Variants in HMBOX1 observed in about 807,000 individuals in gnomAD.
HMBOX1 encodes the protein homeobox-containing protein 1.
A neutral mutation model predicts 54.5 loss-of-function variants in HMBOX1; 14 were observed. The ratio of observed to expected loss-of-function variants is 0.26; its 90% CI spans 0.17 to 0.40. The LOEUF (loss-of-function observed/expected upper bound fraction) is 0.40. Ranked by LOEUF, HMBOX1 falls within the 10% of genes least tolerant of loss-of-function variation. The pLI is 1.00. For synonymous variants in HMBOX1, 160 were observed against 181.0 expected, an observed-to-expected ratio of 0.88 and a Z score of 0.93; for missense variants, 332 against 514.4, an observed-to-expected ratio of 0.65 and a Z score of 3.43.
At chr8:28,960,359 A>G (rs903166455) in intron 1 of HMBOX1, among the ~76,000 whole-genome samples, 24 of 151,918 alleles carry the variant, frequency 1.6e-4, no homozygotes, top group Non-Finnish European at 2.2e-4. Flanking sequence ...CTTGTAGTTT[A>G]TAAGTAGTTA....
intron 1 of HMBOX1, among the ~76,000 whole-genome samples, chr8:28,935,433 A>G (rs983236279): frequency 3.3e-5 from 5 of 152,212 alleles, no homozygotes; most frequent in African/African-American, 1.2e-4. Flanking sequence ...TTTTTGGCGA[A>G]TATGCTAAGG....
At chr8:28,995,987 T>A (rs1261157184) in intron 4 of HMBOX1, among the ~76,000 whole-genome samples, 1 of 151,980 alleles carries the variant, frequency 6.6e-6, no homozygotes, top group Non-Finnish European at 1.5e-5. Flanking sequence ...GCGCCTTTAG[T>A]CCCAGCTACT....
intron 1 of HMBOX1, among the ~76,000 whole-genome samples, chr8:28,913,601 G>T (rs566686473): frequency 2.4e-4 from 37 of 152,194 alleles, no homozygotes; most frequent in Non-Finnish European, 5.1e-4. Context: ...GTAATTATTT[G>T]TCTGTTTTCC....
chr8:28,997,856 A>G (rs1418499360), intron 4 of HMBOX1, among the ~76,000 whole-genome samples: 4 of 152,082 alleles, frequency 2.6e-5, no homozygotes, highest in African/African-American at 4.8e-5. Flanking sequence ...CAGCCTGTCT[A>G]TAGTTTTCCT....
chr8:28,977,756 C>T (rs1400430992), intron 3 of HMBOX1, among the ~76,000 whole-genome samples: 2 of 151,764 alleles, frequency 1.3e-5, no homozygotes, highest in Non-Finnish European at 2.9e-5. Context: ...CTGGCTAACA[C>T]GGTGAAACCC....
intron 6 of HMBOX1, among the ~76,000 whole-genome samples, chr8:29,036,595 C>G (rs938572377): frequency 2.6e-5 from 4 of 152,200 alleles, no homozygotes; most frequent in African/African-American, 9.6e-5. Flanking sequence ...GGTCCTTGGG[C>G]TATCATGAGT....
chr8:28,964,672 T>A (rs1826147053), intron 2 of HMBOX1, among the ~76,000 whole-genome samples: 1 of 152,174 alleles, frequency 6.6e-6, no homozygotes, highest in African/African-American at 2.4e-5. Flanking sequence ...ATACAGTAAG[T>A]AAACATTAAG....
At chr8:29,034,446 G>A (rs1262727002) in intron 6 of HMBOX1, among the ~76,000 whole-genome samples, 3 of 152,202 alleles carry the variant, frequency 2.0e-5, no homozygotes, top group Non-Finnish European at 4.4e-5. Flanking sequence ...CAGTGTGACT[G>A]TGAAGAAATT....
chr8:28,944,533 A>G (rs993859933), intron 1 of HMBOX1, among the ~76,000 whole-genome samples: 1 of 152,202 alleles, frequency 6.6e-6, no homozygotes, highest in Non-Finnish European at 1.5e-5. Context: ...TGGAAGAGGA[A>G]TTAATAACTT....
intron 4 of HMBOX1, among the ~76,000 whole-genome samples, chr8:28,997,313 A>C (rs186399560): frequency 1.3e-5 from 2 of 152,260 alleles, no homozygotes; most frequent in Non-Finnish European, 2.9e-5. Flanking sequence ...TATATCATGA[A>C]AGACTGTTGG....
At chr8:28,926,127 C>T (rs1438814059) in intron 1 of HMBOX1, among the ~76,000 whole-genome samples, 2 of 151,852 alleles carry the variant, frequency 1.3e-5, no homozygotes, top group Non-Finnish European at 1.5e-5. Context: ...GGCAAAACCC[C>T]GTCTATACCA....
At chr8:29,028,107 T>G (rs1364199468) in intron 6 of HMBOX1, among the ~76,000 whole-genome samples, 2 of 152,080 alleles carry the variant, frequency 1.3e-5, no homozygotes, top group African/African-American at 4.8e-5. Context: ...TCCAAAATAT[T>G]CTCCCGGGCA....
At chr8:28,937,532 A>G (rs544653033) in intron 1 of HMBOX1, among the ~76,000 whole-genome samples, 2 of 152,324 alleles carry the variant, frequency 1.3e-5, no homozygotes, top group Non-Finnish European at 2.9e-5. Flanking sequence ...ATTTTCTTCA[A>G]TACAATCTTG....
At chr8:28,901,746 A>G (rs1358694806) in intron 1 of HMBOX1, among the ~76,000 whole-genome samples, 3 of 152,164 alleles carry the variant, frequency 2.0e-5, no homozygotes, top group Admixed American at 1.3e-4. Flanking sequence ...GTTTGCTAAC[A>G]TTTCCTTTCC....
intron 3 of HMBOX1, among the ~76,000 whole-genome samples, chr8:28,973,359 T>C (rs765489147): frequency 6.6e-6 from 1 of 152,220 alleles, no homozygotes; most frequent in Non-Finnish European, 1.5e-5. Flanking sequence ...AAATTTTTCA[T>C]ATCTGTAGAT....
At chr8:28,900,392 C>T (rs1813032376) in intron 1 of HMBOX1, among the ~76,000 whole-genome samples, 2 of 150,478 alleles carry the variant, frequency 1.3e-5, no homozygotes, top group African/African-American at 4.9e-5. Context: ...TGGTATAGTC[C>T]TCAGAATGCT....
chr8:28,992,668 A>G (rs1481074432), intron 4 of HMBOX1, among the ~76,000 whole-genome samples: 1 of 152,020 alleles, frequency 6.6e-6, no homozygotes, highest in East Asian at 1.9e-4. Context: ...CAGGAGTTCA[A>G]GACGAGTCTG....
intron 6 of HMBOX1, among the ~76,000 whole-genome samples, chr8:29,041,819 G>C (rs564940987): frequency 1.3e-5 from 2 of 151,866 alleles, no homozygotes; most frequent in East Asian, 3.9e-4. Flanking sequence ...GAGGTTGTTT[G>C]CGGGGGGACT....
At chr8:29,003,547 C>A (rs1362029022) in intron 4 of HMBOX1, among the ~76,000 whole-genome samples, 4 of 27,428 alleles carry the variant, frequency 1.5e-4, no homozygotes, top group Admixed American at 5.1e-4. Flanking sequence ...TTAAATTTTT[C>A]TGTATTAAAT....
Sources: allele counts gnomAD v4.1 joint callset (sites outside exome capture counted in the v4.1 genomes callset), GRCh38; gene constraint gnomAD v4.1.1; transcripts MANE v1.5; gene names NCBI Gene and HGNC (gene_info 2026-07-23, HGNC 2026-07-21).